The following SPAG1 variants were observed in gnomAD, a reference collection of about 807,000 sequenced individuals.
SPAG1 encodes sperm associated antigen 1.
Under a neutral mutation model 100.5 loss-of-function variants are expected in SPAG1, and 69 were observed. The observed-to-expected ratio is 0.69, with a 90% CI of 0.57 to 0.84. SPAG1 has a LOEUF of 0.84. Among genes scored for constraint, SPAG1 ranks in the 40% least tolerant of loss-of-function variants. SPAG1 has a pLI of 0.00. For missense variants in SPAG1, 955 were observed against 1,133.1 expected, an observed-to-expected ratio of 0.84 and a Z score of 2.26; for synonymous variants, 336 against 411.6, an observed-to-expected ratio of 0.82 and a Z score of 2.22.
intron 12 of SPAG1, 24 bp from the exon 13 acceptor site, chr8:100,220,253 GTA>G (rs1429560074): frequency 6.3e-7 from 1 of 1,592,736 alleles, no homozygotes; most frequent in African/African-American, 1.4e-5. Context: ...AAAACAAATG[GTA>G]TGTAATATTT....
At chr8:100,188,220 T>C (rs1816669404) in intron 8 of SPAG1, among the ~76,000 whole-genome samples, 1 of 152,084 alleles carries the variant, frequency 6.6e-6, no homozygotes, top group African/African-American at 2.4e-5. Context: ...GGTGCAATCT[T>C]GGCTTACTGC....
intron 3 of SPAG1, among the ~76,000 whole-genome samples, chr8:100,176,353 CTT>C (rs967886344): frequency 6.9e-6 from 1 of 145,330 alleles, no homozygotes. Flanking sequence ...GAATGTCTTT[CTT>C]TTTTTTTTTC....
rs745853774 is a variant in SPAG1 at position 100,233,488 on chromosome 8, G to A, written c.2066G>A (p.Gly689Glu). The A allele has an allele frequency of 5.6e-5, 90 of 1,613,872 alleles. No homozygotes were observed. The highest frequency in any genetic ancestry group is 7.2e-5 in the Non-Finnish European group (85 of 1,179,908). ...DCDQALQLAD[G>E]NVKAFYRRAL... ...GATCAGGCACTTCAGCTAGCTGATG[G>A]GAACGTGAAAGCCTTCTATAGACGA... Residue 689 changes from glycine (G) to glutamate (E), a missense_variant, in exon 16 of 19, where the codon GGG becomes GAG. Coordinates refer to ENST00000388798, the MANE Select transcript of SPAG1 (RefSeq NM_003114.5).
At chr8:100,182,720 C>G (rs1022978597) in intron 4 of SPAG1, among the ~76,000 whole-genome samples, 1 of 151,940 alleles carries the variant, frequency 6.6e-6, no homozygotes, top group African/African-American at 2.4e-5. Context: ...TCTCCAATGC[C>G]TAGGTTTGAA....
At chr8:100,174,503 A>G (rs914020146) in intron 3 of SPAG1, among the ~76,000 whole-genome samples, 2 of 152,216 alleles carry the variant, frequency 1.3e-5, no homozygotes, top group African/African-American at 4.8e-5. Flanking sequence ...GTAACTTTAT[A>G]GAAATCAATC....
intron 1 of SPAG1, 170 bp downstream of exon 1, chr8:100,158,786 A>C (rs1751548440): frequency 6.6e-6 from 1 of 152,114 alleles, no homozygotes; most frequent in Non-Finnish European, 1.5e-5. Flanking sequence ...TGAGATGGAC[A>C]TTCAGTAGTC....
intron 10 of SPAG1, among the ~76,000 whole-genome samples, chr8:100,198,675 T>C (rs1350133348): frequency 6.6e-6 from 1 of 152,246 alleles, no homozygotes; most frequent in East Asian, 1.9e-4. Flanking sequence ...CCTTTTCAAA[T>C]TCAGTGAATT....
chr8:100,218,792 G>A (rs1818128186), intron 12 of SPAG1, among the ~76,000 whole-genome samples: 1 of 152,164 alleles, frequency 6.6e-6, no homozygotes, highest in Non-Finnish European at 1.5e-5. Context: ...TGCCAGAAGG[G>A]CTCCCACAAG....
chr8:100,220,131 G>T, intron 12 of SPAG1, 148 bp from the exon 13 acceptor site: 1 of 600,128 alleles, frequency 1.7e-6, no homozygotes, highest in South Asian at 2.3e-5. Context: ...CTCTGGGTTT[G>T]CCTTTCTGGC....
At chr8:100,233,136 C>G (rs1189420026) in intron 15 of SPAG1, 10 of 343,546 alleles carry the variant, frequency 2.9e-5, no homozygotes, top group Non-Finnish European at 4.9e-5. Context: ...CAGCTGTGTG[C>G]TCCCAGAGTA....
intron 10 of SPAG1, among the ~76,000 whole-genome samples, chr8:100,195,916 A>C (rs1314982287): frequency 1.3e-5 from 2 of 152,130 alleles, no homozygotes; most frequent in Non-Finnish European, 2.9e-5. Context: ...CCCTCACCCC[A>C]GCTCTTCTCT....
In SPAG1 at chr8:100,194,981, A is replaced by G. The variant is rs570077963; in HGVS notation, c.1096+713A>G. 3.9e-5 allele frequency among the ~76,000 whole-genome samples: 6 copies of G among 152,152 alleles called. No homozygotes were observed. In the East Asian group the frequency reaches 7.7e-4, roughly 20 times the overall value. On this transcript the variant is annotated intron_variant, in intron 10 of 18. Transcript: ENST00000388798. ...GGAGTTCAAGACCAGCCTGGCCAACATGGTGAAACCCTGTCTCTACTCCAA... is the reference window on the plus strand; with the variant it reads ...GGAGTTCAAGACCAGCCTGGCCAACGTGGTGAAACCCTGTCTCTACTCCAA...
intron 15 of SPAG1, among the ~76,000 whole-genome samples, chr8:100,231,730 C>T (rs555612979): frequency 6.1e-4 from 93 of 152,238 alleles, no homozygotes; most frequent in South Asian, 1.0e-3. Context: ...GAGGCCGAGG[C>T]GGGTGGATCA....
chr8:100,231,249 T>A lies in SPAG1; in HGVS notation c.1949T>A (p.Leu650Ter). 6.2e-7 allele frequency: 1 copy of A among 1,603,826 alleles called. No homozygotes were observed. The highest frequency in any genetic ancestry group is 1.1e-5 in the South Asian group (1 of 89,680). Residue 650 changes from leucine (L) to a stop codon, truncating the protein, a stop_gained, in exon 15 of 19, where the codon TTA becomes TAA. Transcript: ENST00000388798. LOFTEE classifies it high-confidence loss of function. ...KDALSKYSEC[L>*]KINNKECAIY... ...GCCCTCAGTAAATACAGCGAATGCT[T>A]AAAGATTAACAATAAGGAATGTGCC...
intron 14 of SPAG1, among the ~76,000 whole-genome samples, chr8:100,229,381 C>A (rs1818661013): frequency 6.6e-6 from 1 of 152,166 alleles, no homozygotes; most frequent in South Asian, 2.1e-4. Flanking sequence ...GATTGCGCCA[C>A]CCACCGCACT....
At chr8:100,220,563 A>G (rs1454472410) in intron 13 of SPAG1, 132 bp downstream of exon 13, 6 of 705,456 alleles carry the variant, frequency 8.5e-6, no homozygotes, top group Admixed American at 2.9e-5. Flanking sequence ...GCCTTCTTTT[A>G]TTCCATTACA....
intron 10 of SPAG1, among the ~76,000 whole-genome samples, chr8:100,206,935 G>A (rs1439166384): frequency 6.6e-6 from 1 of 152,214 alleles, no homozygotes; most frequent in Non-Finnish European, 1.5e-5. Flanking sequence ...CAGATCCAAT[G>A]GTGCTTGAGG....
At chr8:100,193,933 T>G (rs1024093515) in intron 9 of SPAG1, among the ~76,000 whole-genome samples, 179 bp from the exon 10 acceptor site, 1 of 152,050 alleles carries the variant, frequency 6.6e-6, no homozygotes, top group Non-Finnish European at 1.5e-5. Context: ...ACACCGCTTT[T>G]TGTGTGTGTG....
intron 10 of SPAG1, among the ~76,000 whole-genome samples, chr8:100,212,381 A>G (rs557337201): frequency 6.6e-6 from 1 of 152,366 alleles, no homozygotes; most frequent in South Asian, 2.1e-4. Context: ...TTTGTTTTAA[A>G]TATTGCTAAG....
Sources: gnomAD v4.1 joint callset for allele counts (sites outside exome capture counted in the v4.1 genomes callset) on GRCh38, gnomAD v4.1.1 for gene constraint, MANE v1.5 for transcripts, NCBI Gene and HGNC (gene_info 2026-07-23, HGNC 2026-07-21) for gene names.